Variants in PIK3CA observed in about 807,000 individuals in gnomAD.
PIK3CA encodes phosphatidylinositol-4,5-bisphosphate 3-kinase catalytic subunit alpha.
A neutral mutation model predicts 138.2 loss-of-function variants in PIK3CA; 27 were observed. The ratio of observed to expected loss-of-function variants is 0.20; its 90% confidence interval spans 0.14 to 0.27. PIK3CA has a LOEUF of 0.27. Ranked by LOEUF, PIK3CA falls within the 10% of genes least tolerant of loss-of-function variation. PIK3CA has a pLI of 1.00. For missense variants in PIK3CA, 544 were observed against 1,277.4 expected (o/e 0.43, Z 8.75); for synonymous variants, 358 against 413.2 (o/e 0.87, Z 1.62).
Position 179,236,051 on chromosome 3 carries a change from G to C in PIK3CA, c.*1687G>C, listed in dbSNP as rs534862825. On this transcript the variant is annotated 3_prime_UTR_variant, in exon 21 of 21. Transcript: ENST00000263967. ...TTATTGGAAAACAACTTTATAAAGA[G>C]TGAACATTGTATACTCTAGTAAAAC... The C allele has an allele frequency of 4.8e-6, 1 of 206,766 alleles. No individual in the cohort carries two copies. Among genetic ancestry groups the C allele is most frequent in the East Asian group, 7.4e-5 (1 of 13,528 alleles). The allele number at this position is 206,766 out of a possible 1,614,324, so 12.8% of individuals were successfully genotyped here.
In PIK3CA at chr3:179,210,458, G is replaced by A. The variant is rs772628045; in HGVS notation, c.1432G>A (p.Asp478Asn). The part of the protein sequence containing the change: ...KETPCLELEF[D>N]WFSSVVKFPD... ...AACTCCATGCTTAGAGTTGGAGTTTGACTGGTTCAGCAGTGTGGTAAAGTT... is the reference window on the plus strand; with the variant it reads ...AACTCCATGCTTAGAGTTGGAGTTTAACTGGTTCAGCAGTGTGGTAAAGTT... Residue 478 changes from aspartate (D) to asparagine (N), a missense_variant, in exon 9 of 21, where the codon GAC (aspartate) becomes AAC (asparagine). Physicochemically the swap from Asp to Asn is conservative, Grantham distance 23. Coordinates refer to ENST00000263967, the MANE Select transcript of PIK3CA (RefSeq NM_006218.4). 1 of 1,613,882 alleles carries A rather than the reference G, an allele frequency of 6.2e-7. No individual in the cohort carries two copies. Among genetic ancestry groups the A allele is most frequent in the Non-Finnish European group, 8.5e-7 (1 of 1,179,898 alleles).
chr3:179,193,140 A>G (rs1336109349), intron 1 of PIK3CA, among the ~76,000 whole-genome samples: 2 of 152,242 alleles, frequency 1.3e-5, no homozygotes, highest in Admixed American at 1.3e-4. Flanking sequence ...AAGTTAACAC[A>G]GGTTCAGGCC....
chr3:179,193,973 C>T (rs993562712), intron 1 of PIK3CA, among the ~76,000 whole-genome samples: 4 of 151,894 alleles, frequency 2.6e-5, no homozygotes, highest in African/African-American at 9.7e-5. Flanking sequence ...TTTAATAATC[C>T]CATCCTCTTT....
chr3:179,172,946 A>G (rs1330614966), intron 1 of PIK3CA, among the ~76,000 whole-genome samples: 2 of 152,232 alleles, frequency 1.3e-5, no homozygotes, highest in African/African-American at 4.8e-5. Context: ...ATAGTACAGT[A>G]TTAGCATAAG....
In PIK3CA at chr3:179,238,989, G is replaced by A. The variant is rs1362772313; in HGVS notation, c.*4625G>A. On this transcript the variant is annotated 3_prime_UTR_variant, in exon 21 of 21. Coordinates refer to ENST00000263967, the MANE Select transcript of PIK3CA (RefSeq NM_006218.4). ...GTGCCATTTCTTCTGCTTGATTTTA[G>A]GTATGTTAATATTCCAGCCTTGCTA... The A allele has an allele frequency of 4.6e-6, 1 of 216,374 alleles. No homozygotes were observed. Among genetic ancestry groups the A allele is most frequent in the African/African-American group, 2.3e-5 (1 of 44,196 alleles). 13.4% of individuals were successfully genotyped at this position (216,374 alleles called of 1,614,324 possible).
rs1356216522 is a variant in PIK3CA at position 179,220,761 on chromosome 3, A to G, written c.2016-225A>G. On this transcript the variant is annotated intron_variant, in intron 13 of 20. Coordinates refer to ENST00000263967, the MANE Select transcript of PIK3CA (RefSeq NM_006218.4). The surrounding 1 kb of genome is among the most constrained non-coding windows in gnomAD (Gnocchi z 4.1). Reference sequence around the variant, plus strand: ...AGATTAGTCAATGAAAACTAGTTGAAATAAACCTAAAAACTAGATGTTTAT... The same window carrying G: ...AGATTAGTCAATGAAAACTAGTTGAGATAAACCTAAAAACTAGATGTTTAT... Among the ~76,000 whole-genome samples the G allele has an allele frequency of 1.3e-5, 2 of 152,158 alleles. No homozygotes were observed. The highest frequency in any genetic ancestry group is 2.9e-5 in the Non-Finnish European group (2 of 68,026).
intron 9 of PIK3CA, among the ~76,000 whole-genome samples, chr3:179,210,788 G>T (rs1192986463): frequency 6.6e-6 from 1 of 152,104 alleles, no homozygotes; most frequent in African/African-American, 2.4e-5. Context: ...AATATTTATT[G>T]AATGCCGACT....
At chr3:179,205,993 A>G (rs1034021157) in intron 6 of PIK3CA, among the ~76,000 whole-genome samples, 2 of 152,086 alleles carry the variant, frequency 1.3e-5, no homozygotes, top group South Asian at 2.1e-4. Flanking sequence ...ACAGGGAAGG[A>G]AGATAGTTCC....
intron 1 of PIK3CA, among the ~76,000 whole-genome samples, chr3:179,154,057 C>G (rs998859611): frequency 6.6e-6 from 1 of 152,148 alleles, no homozygotes; most frequent in Admixed American, 6.5e-5. Context: ...TCTACCTATA[C>G]AGTTTAGGGA....
In PIK3CA at chr3:179,237,281, C is replaced by G; in HGVS notation, c.*2917C>G. On this transcript the variant is annotated 3_prime_UTR_variant, in exon 21 of 21. Coordinates refer to ENST00000263967, the MANE Select transcript of PIK3CA (RefSeq NM_006218.4). The stretch of plus-strand genomic sequence containing the variant: ...TTTGGTTGCTATTTTACAATAGAAC[C>G]TAAGCTTTTTGTGGTTCTTAGTGTC... The G allele has an allele frequency of 5.1e-6, 1 of 194,762 alleles. No individual in the cohort carries two copies. The highest frequency in any genetic ancestry group is 1.1e-5 in the Non-Finnish European group (1 of 93,666). 12.1% of individuals were successfully genotyped at this position (194,762 alleles called of 1,614,324 possible). A position where few individuals can be genotyped will look rare whatever the true frequency, so the allele number is the denominator to read the frequency against.
At chr3:179,190,417 TATAGAA>T (rs1407515770) in intron 1 of PIK3CA, among the ~76,000 whole-genome samples, 2 of 151,668 alleles carry the variant, frequency 1.3e-5, no homozygotes, top group Non-Finnish European at 1.5e-5. Context: ...GAGGTACAGT[TATAGAA>T]ATACATATAA....
intron 1 of PIK3CA, chr3:179,149,553 A>G (rs1722955671): frequency 6.6e-6 from 1 of 152,226 alleles, no homozygotes; most frequent in Non-Finnish European, 1.5e-5. Context: ...GTCTTTCTAG[A>G]AAACAGTCTG....
At position 179,239,426 on chromosome 3, in the gene PIK3CA, C is replaced by A. The variant is rs867295836; in HGVS notation, c.*5062C>A. ...TAGTATGAATTTCCAAAATCATTATCTATTTATTTCATTTTTATTTAATTT... is the reference window on the plus strand; with the variant it reads ...TAGTATGAATTTCCAAAATCATTATATATTTATTTCATTTTTATTTAATTT... On this transcript the variant is annotated 3_prime_UTR_variant, in exon 21 of 21. Coordinates refer to ENST00000263967, the MANE Select transcript of PIK3CA (RefSeq NM_006218.4). 3 of 195,102 alleles carry A rather than the reference C, an allele frequency of 1.5e-5. No individual in the cohort carries two copies. The highest frequency in any genetic ancestry group is 1.1e-5 in the Non-Finnish European group (1 of 93,888). The allele number at this position is 195,102 out of a possible 1,614,324, so 12.1% of individuals were successfully genotyped here.
At position 179,235,525 on chromosome 3, in the gene PIK3CA, T is replaced by C; in HGVS notation, c.*1161T>C. On this transcript the variant is annotated 3_prime_UTR_variant, in exon 21 of 21. Coordinates refer to ENST00000263967, the MANE Select transcript of PIK3CA (RefSeq NM_006218.4). ...AACATAAAAACTTCATCTTCTTTCC[T>C]TTTATTTCTTATGTGAATCTCCCGT... 5.1e-6 allele frequency: 1 copy of C among 194,950 alleles called. No individual in the cohort carries two copies. The highest frequency in any genetic ancestry group is 1.1e-5 in the Non-Finnish European group (1 of 93,554). 12.1% of individuals were successfully genotyped at this position (194,950 alleles called of 1,614,324 possible). A position where few individuals can be genotyped will look rare whatever the true frequency, so the allele number is the denominator to read the frequency against.
chr3:179,174,972 T>A (rs563053775), intron 1 of PIK3CA, among the ~76,000 whole-genome samples: 11 of 152,220 alleles, frequency 7.2e-5, no homozygotes, highest in Non-Finnish European at 1.3e-4. Flanking sequence ...TCCTATAATA[T>A]CCTTCATAGA....
intron 1 of PIK3CA, among the ~76,000 whole-genome samples, chr3:179,197,507 T>G (rs1553820162): frequency 6.6e-6 from 1 of 152,228 alleles, no homozygotes; most frequent in Non-Finnish European, 1.5e-5. Flanking sequence ...ACACATAATC[T>G]TCATATTCTT....
rs1560144842 is a variant in PIK3CA, at chr3:179,218,267, G to A, written c.1597G>A (p.Ala533Thr). Residue 533 changes from alanine to threonine, a missense_variant, in exon 10 of 21, where the codon GCA becomes ACA. Physicochemically the swap from Ala to Thr is moderately conservative, Grantham distance 58. Coordinates refer to ENST00000263967, the MANE Select transcript of PIK3CA (RefSeq NM_006218.4). ...GGAAAATGACAAAGAACAGCTCAAAGCAATTTCTACACGAGATCCTCTCTC... is the reference window on the plus strand; with the variant it reads ...GGAAAATGACAAAGAACAGCTCAAAACAATTTCTACACGAGATCCTCTCTC... ...LRENDKEQLK[A>T]ISTRDPLSEI... 6.2e-7 allele frequency: 1 copy of A among 1,611,280 alleles called. No homozygotes were observed. Among genetic ancestry groups the A allele is most frequent in the Non-Finnish European group, 8.5e-7 (1 of 1,178,340 alleles).
At chr3:179,193,812 C>T (rs1724196073) in intron 1 of PIK3CA, among the ~76,000 whole-genome samples, 1 of 152,206 alleles carries the variant, frequency 6.6e-6, no homozygotes, top group African/African-American at 2.4e-5. Context: ...TTAGTCCTGG[C>T]ATTCTGAACT....
rs1725281746 is a variant in PIK3CA at position 179,234,262 on chromosome 3, T to C, written c.3105T>C (p.Ala1035=). The change falls in exon 21 of 21, where the codon GCT becomes GCC. Residue 1035 remains alanine, a synonymous_variant. Coordinates refer to ENST00000263967, the MANE Select transcript of PIK3CA (RefSeq NM_006218.4). This position sits in a 1 kb window ranked among gnomAD's most constrained non-coding sequence, Gnocchi z 5.1. The part of the protein sequence containing the change: ...TLALDKTEQE[A]LEYFMKQMND... ...CCTTAGATAAAACTGAGCAAGAGGC[T>C]TTGGAGTATTTCATGAAACAAATGA... is the stretch of plus-strand genomic sequence containing the variant. 1 of 1,613,674 alleles carries C rather than the reference T, an allele frequency of 6.2e-7. No homozygotes were observed.
Sources: gnomAD v4.1 joint callset for allele counts (sites outside exome capture counted in the v4.1 genomes callset) on GRCh38, gnomAD v4.1.1 for gene constraint, Gnocchi (gnomAD v3.1) non-coding constraint, MANE v1.5 for transcripts, NCBI Gene and HGNC (gene_info 2026-07-23, HGNC 2026-07-21) for gene names.